The following MAD1L1 variants were observed in gnomAD, a reference collection of about 807,000 sequenced individuals.
The protein encoded by MAD1L1 is mitotic spindle assembly checkpoint protein MAD1.
A neutral mutation model predicts 96.9 loss-of-function variants in MAD1L1; 95 were observed. That is an observed-to-expected ratio of 0.98 (90% CI 0.83 to 1.16). The LOEUF (loss-of-function observed/expected upper bound fraction) is 1.16. Ranked by LOEUF, MAD1L1 falls within the 50% of genes most tolerant of loss-of-function variation. The pLI, the probability that MAD1L1 is intolerant of heterozygous loss-of-function variation, is 0.00. For missense variants in MAD1L1, 1,007 were observed against 954.4 expected (o/e 1.06, Z -0.73); for synonymous variants, 473 against 396.6 (o/e 1.19, Z -2.29).
At chr7:2,068,609 T>C (rs1300963376) in intron 12 of MAD1L1, among the ~76,000 whole-genome samples, 1 of 152,076 alleles carries the variant, frequency 6.6e-6, no homozygotes, top group Non-Finnish European at 1.5e-5. Flanking sequence ...GATTGACTTC[T>C]TTCCCGCCTT....
At chr7:1,949,494 C>T (rs1366918802) in intron 16 of MAD1L1, among the ~76,000 whole-genome samples, 2 of 152,208 alleles carry the variant, frequency 1.3e-5, no homozygotes, top group Admixed American at 6.5e-5. Context: ...GGGCAGGCTC[C>T]AGGTCCAAAC....
intron 18 of MAD1L1, chr7:1,849,075 A>C (rs147291046): frequency 0.34 from 50,146 of 145,562 alleles, 8,682 homozygotes; most frequent in East Asian, 0.44. Flanking sequence ...CACACACACA[A>C]ATGCACATGC....
intron 18 of MAD1L1, among the ~76,000 whole-genome samples, chr7:1,860,101 C>A (rs1195231138): frequency 7.1e-6 from 1 of 140,866 alleles, no homozygotes; most frequent in Non-Finnish European, 1.5e-5. Context: ...TGACATCCTG[C>A]GGGGCGGCCT....
intron 10 of MAD1L1, chr7:2,175,493 C>CAAAAAAAA (rs143638196): frequency 1.1e-5 from 1 of 90,930 alleles, no homozygotes; most frequent in Non-Finnish European, 2.2e-5. Context: ...GAACCTTTGC[C>CAAAAAAAA]AAAAAAAAAA....
At chr7:1,881,979 C>T (rs1562485727) in intron 18 of MAD1L1, among the ~76,000 whole-genome samples, 1 of 152,202 alleles carries the variant, frequency 6.6e-6, no homozygotes, top group Non-Finnish European at 1.5e-5. Flanking sequence ...TGCCCGTGTC[C>T]TTGGGCCCCA....
chr7:2,025,927 A>C (rs1782977952), intron 12 of MAD1L1, among the ~76,000 whole-genome samples: 1 of 152,222 alleles, frequency 6.6e-6, no homozygotes, highest in African/African-American at 2.4e-5. Flanking sequence ...AGATGTTTTC[A>C]TAAAAAACGA....
chr7:2,060,429 C>T (rs114321942), intron 12 of MAD1L1, among the ~76,000 whole-genome samples: 11 of 151,932 alleles, frequency 7.2e-5, no homozygotes, highest in Admixed American at 3.9e-4. Context: ...TGAGATACGC[C>T]GATGCTGAGA....
At chr7:1,957,238 G>A (rs951921149) in intron 16 of MAD1L1, among the ~76,000 whole-genome samples, 3 of 152,230 alleles carry the variant, frequency 2.0e-5, no homozygotes, top group Admixed American at 6.5e-5. Flanking sequence ...CCAAAAACCC[G>A]GTAACCTCGA....
intron 10 of MAD1L1, among the ~76,000 whole-genome samples, chr7:2,206,926 C>G (rs1432049807): frequency 6.6e-6 from 1 of 152,004 alleles, no homozygotes; most frequent in Non-Finnish European, 1.5e-5. Flanking sequence ...TACAAAAATA[C>G]AAAAATTAGC....
intron 17 of MAD1L1, among the ~76,000 whole-genome samples, chr7:1,908,060 T>TAC (rs1483803300): frequency 6.6e-6 from 1 of 152,194 alleles, no homozygotes. Flanking sequence ...GACCAGACAG[T>TAC]ACGTTTGCCC....
intron 18 of MAD1L1, chr7:1,844,302 G>A (rs961970837): frequency 2.6e-5 from 4 of 153,752 alleles, no homozygotes; most frequent in Non-Finnish European, 5.9e-5. Context: ...CCTCATGCTT[G>A]AGGAAGCACT....
intron 12 of MAD1L1, among the ~76,000 whole-genome samples, chr7:2,047,053 G>A (rs1220302981): frequency 6.6e-6 from 1 of 152,160 alleles, no homozygotes; most frequent in East Asian, 1.9e-4. Flanking sequence ...GAACTCCTGG[G>A]TTGAACTGTT....
chr7:2,018,272 A>G (rs1182495433), intron 12 of MAD1L1, among the ~76,000 whole-genome samples: 1 of 152,216 alleles, frequency 6.6e-6, no homozygotes, highest in Non-Finnish European at 1.5e-5. Context: ...CACACAGGAG[A>G]GGGCAGAGAA....
intron 17 of MAD1L1, among the ~76,000 whole-genome samples, chr7:1,922,189 C>T (rs907428447): frequency 3.3e-5 from 5 of 152,232 alleles, no homozygotes; most frequent in African/African-American, 7.2e-5. Context: ...CAGCGGCGAG[C>T]GCCCTGCTTC....
At chr7:2,172,419 C>T (rs1272106990) in intron 10 of MAD1L1, among the ~76,000 whole-genome samples, 1 of 152,218 alleles carries the variant, frequency 6.6e-6, no homozygotes, top group Non-Finnish European at 1.5e-5. Flanking sequence ...GCCCAGGGCC[C>T]AGCAGCAGGA....
chr7:1,866,537 A>G (rs1442202736), intron 18 of MAD1L1, among the ~76,000 whole-genome samples: 20 of 152,058 alleles, frequency 1.3e-4, no homozygotes, highest in Admixed American at 1.3e-3. Context: ...TGTGCTGAGG[A>G]GAGGTCTTAA....
intron 12 of MAD1L1, among the ~76,000 whole-genome samples, chr7:2,042,070 C>T (rs1206998889): frequency 1.3e-5 from 2 of 151,926 alleles, no homozygotes; most frequent in African/African-American, 4.8e-5. Flanking sequence ...GATGCACGTA[C>T]ACACATATGT....
Position 2,172,481 on chromosome 7 carries a change from T to G in MAD1L1, c.987-23243A>C, listed in dbSNP as rs533904343. 4.9e-4 allele frequency among the ~76,000 whole-genome samples: 74 copies of G among 152,248 alleles called. 1 individual carries two copies. Among genetic ancestry groups the G allele is most frequent in the African/African-American group, 1.2e-3 (51 of 41,536 alleles). On this transcript the variant is annotated intron_variant, in intron 10 of 18. Coordinates refer to ENST00000265854, the MANE Select transcript of MAD1L1 (RefSeq NM_001013836.2). Reference sequence around the variant, plus strand: ...CGGGTCTCCAGAGAACATCCACGCCTCCTCAGGACAAAGGGCTCCTCTGGG... The same window carrying G: ...CGGGTCTCCAGAGAACATCCACGCCGCCTCAGGACAAAGGGCTCCTCTGGG...
chr7:2,131,712 C>T (rs1279928804), intron 11 of MAD1L1, among the ~76,000 whole-genome samples: 1 of 152,212 alleles, frequency 6.6e-6, no homozygotes, highest in Non-Finnish European at 1.5e-5. Flanking sequence ...GGCCCACACG[C>T]CTCCCCAGGG....
Sources: gnomAD v4.1 joint callset for allele counts (sites outside exome capture counted in the v4.1 genomes callset) on GRCh38, gnomAD v4.1.1 for gene constraint, MANE v1.5 for transcripts, NCBI Gene and HGNC (gene_info 2026-07-23, HGNC 2026-07-21) for gene names.